The following SAXO1 variants were observed in gnomAD, a reference collection of about 807,000 sequenced individuals.
The protein encoded by SAXO1 is stabilizer of axonemal microtubules 1, also known as 4930500O09Rik.
A neutral mutation model predicts 17.5 loss-of-function variants in SAXO1; 21 were observed. The ratio of observed to expected loss-of-function variants is 1.20; its 90% CI spans 0.85 to 1.72. The LOEUF is 1.72. SAXO1 is among the 40% of genes most tolerant of loss of function. The pLI, the probability that SAXO1 is intolerant of heterozygous loss-of-function variation, is 0.00. For missense variants in SAXO1, 843 were observed against 596.0 expected (o/e 1.41, Z -4.32); for synonymous variants, 274 against 216.5 (o/e 1.27, Z -2.33).
chr9:18,930,113 C>T (rs1464355169), intron 3 of SAXO1, among the ~76,000 whole-genome samples: 1 of 152,150 alleles, frequency 6.6e-6, no homozygotes, highest in Non-Finnish European at 1.5e-5. Flanking sequence ...TCTGATACCT[C>T]ATATCACACT....
chr9:18,981,444 C>G, intron 1 of SAXO1, among the ~76,000 whole-genome samples: 1 of 152,176 alleles, frequency 6.6e-6, no homozygotes, highest in Admixed American at 6.5e-5. Flanking sequence ...ACCCTTACCC[C>G]CTTTTCCAGA....
At chr9:18,947,132 T>A (rs1831829043) in intron 2 of SAXO1, among the ~76,000 whole-genome samples, 1 of 152,202 alleles carries the variant, frequency 6.6e-6, no homozygotes, top group South Asian at 2.1e-4. Flanking sequence ...TCTACCTACA[T>A]TGTGTTCACA....
chr9:19,033,972 G>A (rs939579574), upstream of SAXO1, among the ~76,000 whole-genome samples: 9 of 152,106 alleles, frequency 5.9e-5, no homozygotes, highest in Admixed American at 3.9e-4. Flanking sequence ...CTGATCCCGA[G>A]AGCACACCCC....
chr9:18,933,158 A>C (rs1831128050), intron 3 of SAXO1, among the ~76,000 whole-genome samples: 1 of 149,760 alleles, frequency 6.7e-6, no homozygotes, highest in South Asian at 2.2e-4. Flanking sequence ...ATGTTTTAGA[A>C]GTACAGATTT....
intron 1 of SAXO1, among the ~76,000 whole-genome samples, chr9:19,023,888 C>G (rs1177670288): frequency 2.0e-5 from 3 of 151,842 alleles, no homozygotes. Context: ...CTCCTCACAC[C>G]AGCACTTTGG....
chr9:18,964,754 C>A (rs1015708353), intron 1 of SAXO1, among the ~76,000 whole-genome samples: 11 of 152,156 alleles, frequency 7.2e-5, no homozygotes, highest in South Asian at 4.2e-4. Flanking sequence ...TCTCTAACTC[C>A]CTCAATTCTG....
intron 1 of SAXO1, among the ~76,000 whole-genome samples, chr9:18,963,442 A>T (rs1408758445): frequency 2.0e-5 from 3 of 152,156 alleles, no homozygotes; most frequent in Non-Finnish European, 2.9e-5. Flanking sequence ...ATGAGCATGC[A>T]ATGTTTTTCC....
intron 3 of SAXO1, among the ~76,000 whole-genome samples, chr9:18,936,849 C>A (rs1248611187): frequency 6.6e-6 from 1 of 152,168 alleles, no homozygotes. Context: ...AAATTACAAC[C>A]AAATGCCGCT....
In SAXO1 at chr9:18,927,700, TG is replaced by T. The variant is rs1195421012; in HGVS notation, c.*351del. 1 of 191,734 alleles carries T rather than the reference TG, an allele frequency of 5.2e-6. No homozygotes were observed. The highest frequency in any genetic ancestry group is 1.1e-5 in the Non-Finnish European group (1 of 94,098). The allele number at this position is 191,734 out of a possible 1,614,324, so 11.9% of individuals were successfully genotyped here. ...AATTTATTCTTTGGCGCTTCATACT[TG>T]GCAAGGGTTAATCATTATGTCAGTT... On this transcript the variant is annotated 3_prime_UTR_variant, in exon 4 of 4. Transcript: ENST00000380534.
At chr9:18,947,919 C>A (rs1033182705) in intron 2 of SAXO1, among the ~76,000 whole-genome samples, 2 of 152,176 alleles carry the variant, frequency 1.3e-5, no homozygotes, top group African/African-American at 4.8e-5. Context: ...TGTGTCTGGG[C>A]TTAATCACCA....
chr9:18,954,481 C>A (rs540471493), intron 1 of SAXO1, among the ~76,000 whole-genome samples: 185 of 152,042 alleles, frequency 1.2e-3, no homozygotes, highest in African/African-American at 4.3e-3. Context: ...GGACCACAGA[C>A]ACGCAAAACC....
intron 1 of SAXO1, among the ~76,000 whole-genome samples, chr9:18,978,633 G>A (rs996897312): frequency 6.6e-6 from 1 of 152,186 alleles, no homozygotes; most frequent in Non-Finnish European, 1.5e-5. Flanking sequence ...CCTGAATAAT[G>A]GCTGTGAAAA....
At chr9:18,987,314 T>A (rs368113358) in intron 1 of SAXO1, among the ~76,000 whole-genome samples, 1 of 152,174 alleles carries the variant, frequency 6.6e-6, no homozygotes, top group Non-Finnish European at 1.5e-5. Flanking sequence ...AACTCCAAGA[T>A]GACAGAACTG....
At chr9:18,984,426 T>C (rs1401269435) in intron 1 of SAXO1, among the ~76,000 whole-genome samples, 1 of 152,246 alleles carries the variant, frequency 6.6e-6, no homozygotes, top group Non-Finnish European at 1.5e-5. Context: ...CTGTTTCATC[T>C]ACACTGAAAA....
chr9:18,975,832 G>C lies in SAXO1; in HGVS notation c.39-24895C>G, dbSNP rs144125958. 1.7e-3 allele frequency among the ~76,000 whole-genome samples: 255 copies of C among 152,300 alleles called. 1 individual carries two copies. The highest frequency in any genetic ancestry group is 2.9e-3 in the Non-Finnish European group (198 of 68,030). On this transcript the variant is annotated intron_variant, in intron 1 of 3. Transcript: ENST00000380534. ...CAAGGCCCAGCAGAAGCTGAAAGTT[G>C]TGCTGAGCGAAAAGTGAGACCCAAA...
intron 1 of SAXO1, among the ~76,000 whole-genome samples, chr9:18,985,774 T>C (rs1406033788): frequency 6.6e-6 from 1 of 152,224 alleles, no homozygotes; most frequent in African/African-American, 2.4e-5. Context: ...ACAATTTTGA[T>C]ACATTCCTTA....
rs182832786 is a variant in SAXO1, at chr9:19,030,503, T to G, written c.38+2368A>C. 5.1e-3 allele frequency among the ~76,000 whole-genome samples: 779 copies of G among 151,928 alleles called. 27 individuals are homozygous for G. Among genetic ancestry groups the G allele is most frequent in the Admixed American group, 0.047 (712 of 15,276 alleles). On this transcript the variant is annotated intron_variant, in intron 1 of 3. Transcript: ENST00000380534. ...AGGTGGATCATTTGAGGTCAGGAGT[T>G]TAAGACCAGCTGGCCAACATGGTGA...
chr9:18,936,694 G>C (rs1466930067), intron 3 of SAXO1, among the ~76,000 whole-genome samples: 22 of 152,178 alleles, frequency 1.4e-4, no homozygotes, highest in Non-Finnish European at 4.4e-5. Context: ...CAGGGCCAGA[G>C]TGTCATGTGG....
At chr9:19,008,480 G>C (rs1313550570) in intron 1 of SAXO1, among the ~76,000 whole-genome samples, 2 of 152,144 alleles carry the variant, frequency 1.3e-5, no homozygotes, top group Non-Finnish European at 2.9e-5. Context: ...TTTCTGGAAG[G>C]AGCAGAAAGC....
Sources: allele counts gnomAD v4.1 joint callset (sites outside exome capture counted in the v4.1 genomes callset), GRCh38; gene constraint gnomAD v4.1.1; transcripts MANE v1.5; gene names NCBI Gene and HGNC (gene_info 2026-07-23, HGNC 2026-07-21).